Variants in SIM2 observed in about 807,000 individuals in gnomAD.
SIM2 encodes the protein single-minded homolog 2.
In SIM2, 28 loss-of-function variants were observed where a neutral mutation model predicts 64.8. The ratio of observed to expected loss-of-function variants is 0.43; its 90% CI spans 0.32 to 0.59. The LOEUF is 0.59. Among genes scored for constraint, SIM2 ranks in the 20% least tolerant of loss-of-function variants. The pLI is 0.07. For missense variants in SIM2, 847 were observed against 871.4 expected (o/e 0.97, Z 0.35); for synonymous variants, 408 against 391.1 (o/e 1.04, Z -0.51).
intron 5 of SIM2, among the ~76,000 whole-genome samples, chr21:36,725,219 A>C (rs2123462100): frequency 6.6e-6 from 1 of 152,204 alleles, no homozygotes; most frequent in East Asian, 1.9e-4. Context: ...GCACGGTGGC[A>C]CATGCCTGTG....
chr21:36,723,832 C>T (rs935103135), intron 5 of SIM2, among the ~76,000 whole-genome samples: 5 of 152,194 alleles, frequency 3.3e-5, no homozygotes, highest in South Asian at 2.1e-4. Flanking sequence ...TCTCAGGGCA[C>T]GAGAGTCAGC....
intron 3 of SIM2, among the ~76,000 whole-genome samples, chr21:36,719,134 C>T (rs2088785438): frequency 6.6e-6 from 1 of 152,238 alleles, no homozygotes; most frequent in Non-Finnish European, 1.5e-5. Flanking sequence ...CCAGACCCTC[C>T]CGCAGGGCAC....
chr21:36,717,175 A>G (rs2088758484), intron 3 of SIM2, among the ~76,000 whole-genome samples: 1 of 152,160 alleles, frequency 6.6e-6, no homozygotes, highest in South Asian at 2.1e-4. Flanking sequence ...AAACATAAGA[A>G]CCTACTCTGG....
chr21:36,727,165 G>C (rs537189740), intron 6 of SIM2, among the ~76,000 whole-genome samples: 1 of 152,254 alleles, frequency 6.6e-6, no homozygotes, highest in African/African-American at 2.4e-5. Flanking sequence ...CTCCCAAGTA[G>C]CTGGGATTCC....
chr21:36,727,809 AC>A (rs2088912631), intron 6 of SIM2, among the ~76,000 whole-genome samples: 1 of 152,222 alleles, frequency 6.6e-6, no homozygotes, highest in Non-Finnish European at 1.5e-5. Context: ...GTGGTAAAAT[AC>A]ACATCACATA....
intron 3 of SIM2, among the ~76,000 whole-genome samples, chr21:36,715,822 T>A (rs2088739662): frequency 6.6e-6 from 1 of 152,176 alleles, no homozygotes; most frequent in South Asian, 2.1e-4. Context: ...TATAAGCCCA[T>A]CCCCATTCCA....
At position 36,719,843 on chromosome 21, in the gene SIM2, T is replaced by C; in HGVS notation, c.371T>C (p.Ile124Thr). The C allele has an allele frequency of 6.2e-7, 1 of 1,612,744 alleles. No homozygotes were observed. The highest frequency in any genetic ancestry group is 8.5e-7 in the Non-Finnish European group (1 of 1,178,872). The change falls in exon 4 of 11, where the codon ATT becomes ACT. Residue 124 changes from isoleucine to threonine, a missense_variant. By Grantham distance (89) the Ile-to-Thr change is moderately conservative. Transcript: ENST00000290399. ...LSQVELTGNS[I>T]YEYIHPSDHD... ...CAGGTGGAGCTCACGGGCAACAGTA[T>C]TTATGAATACATCCATCCTTCTGAC...
At position 36,744,891 on chromosome 21, in the gene SIM2, A is replaced by G; in HGVS notation, c.1331A>G (p.Tyr444Cys). The change falls in exon 10 of 11, where the codon TAC (tyrosine) becomes TGC (cysteine). Residue 444 changes from tyrosine (Y) to cysteine (C), a missense_variant. Coordinates refer to ENST00000290399, the MANE Select transcript of SIM2 (RefSeq NM_005069.6). ...TACAGCCTGCCCTTCTCCTACCATT[A>G]CGGACACTTCCCTCTGGACTCTCAC... ...PSYSLPFSYH[Y>C]GHFPLDSHVF... 1.2e-6 allele frequency: 2 copies of G among 1,614,182 alleles called. No homozygotes were observed. The highest frequency in any genetic ancestry group is 1.7e-6 in the Non-Finnish European group (2 of 1,180,028).
intron 3 of SIM2, among the ~76,000 whole-genome samples, chr21:36,719,382 G>C (rs61531418): frequency 6.6e-6 from 1 of 152,402 alleles, no homozygotes; most frequent in East Asian, 1.9e-4. Flanking sequence ...TCCACAGGGA[G>C]CACTATGTGG....
intron 7 of SIM2, among the ~76,000 whole-genome samples, chr21:36,731,635 G>T (rs544580194): frequency 6.6e-6 from 1 of 152,158 alleles, no homozygotes; most frequent in Non-Finnish European, 1.5e-5. Context: ...CATACAGCTG[G>T]ATGGTAGCGG....
chr21:36,709,264 G>T lies in SIM2; in HGVS notation c.258+14G>T. The T allele has an allele frequency of 7.0e-6, 11 of 1,579,242 alleles. No homozygotes were observed. The highest frequency in any genetic ancestry group is 9.4e-6 in the Non-Finnish European group (11 of 1,164,396). The stretch of plus-strand genomic sequence containing the variant: ...CACTTGCTGCAGGTAGAGCGGCCTC[G>T]CCGGGGGAGGAGCGCAGCCGCCGCA... On this transcript the variant is annotated intron_variant, in intron 2 of 10. Transcript: ENST00000290399.
intron 2 of SIM2, 79 bp downstream of exon 2, chr21:36,709,329 C>A: frequency 8.2e-7 from 1 of 1,226,088 alleles, no homozygotes; most frequent in Non-Finnish European, 1.2e-6. Context: ...TCCAGGCGTC[C>A]CTTCCCCAGG....
intron 1 of SIM2, among the ~76,000 whole-genome samples, chr21:36,704,706 A>G (rs1028115583): frequency 1.3e-5 from 2 of 152,150 alleles, no homozygotes; most frequent in African/African-American, 4.8e-5. Context: ...GCGCACGGCA[A>G]TGGGGGCACC....
chr21:36,719,816 G>T lies in SIM2; in HGVS notation c.349-5G>T. ...GGCATTTCTGACCCTTCCCTTCCACGGCAGGTGGAGCTCACGGGCAACAGT... is the reference window on the plus strand; with the variant it reads ...GGCATTTCTGACCCTTCCCTTCCACTGCAGGTGGAGCTCACGGGCAACAGT... On this transcript the variant is annotated splice_polypyrimidine_tract_variant and splice_region_variant and intron_variant, in intron 3 of 10. Transcript: ENST00000290399. 1 of 1,586,092 alleles carries T rather than the reference G, an allele frequency of 6.3e-7. No homozygotes were observed. Among genetic ancestry groups the T allele is most frequent in the Non-Finnish European group, 8.7e-7 (1 of 1,155,162 alleles).
chr21:36,723,324 G>A (rs2088849077), intron 5 of SIM2, among the ~76,000 whole-genome samples, 194 bp downstream of exon 5: 1 of 152,164 alleles, frequency 6.6e-6, no homozygotes, highest in African/African-American at 2.4e-5. Context: ...GTTCCAGCTG[G>A]CTGGAATTCA....
chr21:36,703,726 G>A (rs1029789937), intron 1 of SIM2, among the ~76,000 whole-genome samples: 66 of 152,358 alleles, frequency 4.3e-4, no homozygotes, highest in South Asian at 4.1e-4. Context: ...CTGGGGCAGC[G>A]CTGAGGTCTG....
intron 4 of SIM2, 150 bp from the exon 5 acceptor site, chr21:36,722,895 C>G (rs1182451641): frequency 4.5e-6 from 3 of 669,402 alleles, no homozygotes; most frequent in Non-Finnish European, 8.2e-6. Flanking sequence ...AGATCTCAGC[C>G]AAGGCCGAAG....
At position 36,748,082 on chromosome 21, in the gene SIM2, A is replaced by G. The variant is rs2089259287; in HGVS notation, c.1994A>G (p.Asn665Ser). ...CTGGGCGCCTCGGTCATCATCACCA[A>G]CGGGAGGTGACCCGCTGGCCGCCCG... ...HYLGASVIITNGR is the reference protein window; with the variant it reads ...HYLGASVIITSGR The change falls in exon 11 of 11, where the codon AAC becomes AGC. Residue 665 changes from asparagine (N) to serine (S), a missense_variant. Physicochemically the swap from Asn to Ser is conservative, Grantham distance 46 (BLOSUM62 1). Coordinates refer to ENST00000290399, the MANE Select transcript of SIM2 (RefSeq NM_005069.6). 3.3e-6 allele frequency: 4 copies of G among 1,201,894 alleles called. No individual in the cohort carries two copies. Among genetic ancestry groups the G allele is most frequent in the Non-Finnish European group, 4.1e-6 (4 of 969,112 alleles). The allele number at this position is 1,201,894 out of a possible 1,614,324, so 74.5% of individuals were successfully genotyped here. A position where few individuals can be genotyped will look rare whatever the true frequency, so the allele number is the denominator to read the frequency against.
At position 36,711,173 on chromosome 21, in the gene SIM2, A is replaced by T. The variant is rs201214633; in HGVS notation, c.259-1360A>T. Reference sequence around the variant, plus strand: ...TACTGCTGGCAACTTTTAGAATTTAATTATGATAATTTTCCTCTTTTCCTC... The same window carrying T: ...TACTGCTGGCAACTTTTAGAATTTATTTATGATAATTTTCCTCTTTTCCTC... On this transcript the variant is annotated intron_variant, in intron 2 of 10. Transcript: ENST00000290399. Among the ~76,000 whole-genome samples the T allele has an allele frequency of 1.2e-4, 19 of 152,332 alleles. No homozygotes were observed. In the East Asian group the frequency reaches 2.9e-3, roughly 23 times the overall value.
Sources: allele counts gnomAD v4.1 joint callset (sites outside exome capture counted in the v4.1 genomes callset), GRCh38; gene constraint gnomAD v4.1.1; transcripts MANE v1.5; gene names NCBI Gene and HGNC (gene_info 2026-07-23, HGNC 2026-07-21).